The following PEMT variants were observed in gnomAD, a reference collection of about 807,000 sequenced individuals.
The protein encoded by PEMT is phospholipid methyltransferase.
Under a neutral mutation model 27.4 loss-of-function variants are expected in PEMT, and 23 were observed. The ratio of observed to expected loss-of-function variants is 0.84; its 90% CI spans 0.60 to 1.19. The LOEUF (loss-of-function observed/expected upper bound fraction) is 1.19. PEMT is among the 50% of genes most tolerant of loss of function. The pLI is 0.00. For synonymous variants in PEMT, 137 were observed against 139.1 expected (o/e 0.98, Z 0.11); for missense variants, 307 against 310.1 (o/e 0.99, Z 0.07).
chr17:17,582,904 A>C lies in PEMT; in HGVS notation c.97-5877T>G, dbSNP rs1912052022. On this transcript the variant is annotated intron_variant, in intron 1 of 6. Coordinates refer to ENST00000255389, the MANE Select transcript of PEMT (RefSeq NM_148172.3). This position sits in a 1 kb window ranked among gnomAD's most constrained non-coding sequence, Gnocchi z 4.9. ...TGGTGAAACCCCGTTTCTACTAAAA[A>C]TACAAAAATTAGCTGGACATGGTGG... 6.6e-6 allele frequency among the ~76,000 whole-genome samples: 1 copy of C among 152,162 alleles called. No individual in the cohort carries two copies. The highest frequency in any genetic ancestry group is 1.5e-5 in the Non-Finnish European group (1 of 68,036).
intron 2 of PEMT, among the ~76,000 whole-genome samples, chr17:17,576,282 C>A (rs566654123): frequency 7.2e-5 from 11 of 152,216 alleles, no homozygotes; most frequent in East Asian, 1.9e-4. Flanking sequence ...GGGCCCAGAG[C>A]CCACTTCCCA....
intron 2 of PEMT, among the ~76,000 whole-genome samples, chr17:17,547,347 G>A (rs1389867187): frequency 6.6e-6 from 1 of 152,246 alleles, no homozygotes. Flanking sequence ...GCAAGCAGGC[G>A]AGGCGTTCAG....
chr17:17,550,126 T>C (rs1909546132), intron 2 of PEMT, among the ~76,000 whole-genome samples: 1 of 152,202 alleles, frequency 6.6e-6, no homozygotes, highest in South Asian at 2.1e-4. Flanking sequence ...CAGTACAGCC[T>C]GGATTGAAAA....
intron 2 of PEMT, chr17:17,570,629 A>G: frequency 1.0e-6 from 1 of 985,440 alleles, no homozygotes; most frequent in East Asian, 1.1e-4. Flanking sequence ...CAGATCACCC[A>G]GAAAGGCCCA....
rs1298068738 is a variant in PEMT, at chr17:17,576,933, A to C, written c.191T>G (p.Leu64Arg). 6.2e-7 allele frequency: 1 copy of C among 1,613,320 alleles called. No homozygotes were observed. Residue 64 changes from leucine (L) to arginine (R), a missense_variant, in exon 2 of 7, where the codon CTC (leucine) becomes CGC (arginine). Physicochemically the swap from Leu to Arg is moderately radical, Grantham distance 102 (BLOSUM62 -2). Transcript: ENST00000255389. ...AAVITITFNP[L>R]YWNVVARWEH... ...CACATCACTTACCACATTCCAGTAG[A>C]GCGGATTGAAGGTGATGGTGATGAC...
In PEMT at chr17:17,509,543, C is replaced by T. The variant is rs765279907; in HGVS notation, c.469G>A (p.Asp157Asn). 5 of 1,607,784 alleles carry T rather than the reference C, an allele frequency of 3.1e-6. No homozygotes were observed. The South Asian group carries it at 5.5e-5, about 18-fold the overall frequency. ...ALGFAGTFLG[D>N]YFGILKEARV... ...GCCTCCTTGAGGATCCCGAAGTAAT[C>T]ACCTGTGGATGAGGCAAGGCAGGGT... The change falls in exon 5 of 7, where the codon GAT (aspartate) becomes AAT (asparagine). Residue 157 changes from aspartate (D) to asparagine (N), a missense_variant and splice_region_variant. By Grantham distance (23) the Asp-to-Asn change is conservative. Coordinates refer to ENST00000255389, the MANE Select transcript of PEMT (RefSeq NM_148172.3).
intron 2 of PEMT, among the ~76,000 whole-genome samples, chr17:17,571,480 G>A (rs1911188548): frequency 6.6e-6 from 1 of 152,130 alleles, no homozygotes; most frequent in Non-Finnish European, 1.5e-5. Flanking sequence ...CTGGCCAGGT[G>A]GAGGGAGGGG....
In PEMT at chr17:17,555,786, G is replaced by C. The variant is rs555202490; in HGVS notation, c.204+21134C>G. On this transcript the variant is annotated intron_variant, in intron 2 of 6. Transcript: ENST00000255389. ...ACACAGAAGCAAATGCTCGCCCTCT[G>C]GGGCGGAAGCCACCTGTTTTTCTGC... Among the ~76,000 whole-genome samples, 15 of 152,298 alleles carry C rather than the reference G, an allele frequency of 9.8e-5. No homozygotes were observed. In the East Asian group the frequency reaches 2.7e-3, roughly 28 times the overall value.
chr17:17,541,064 C>T (rs149910516), intron 2 of PEMT, among the ~76,000 whole-genome samples: 1 of 152,330 alleles, frequency 6.6e-6, no homozygotes, highest in Non-Finnish European at 1.5e-5. Context: ...GGGGACAGAG[C>T]CACCACTGGG....
chr17:17,582,869 C>G lies in PEMT; in HGVS notation c.97-5842G>C, dbSNP rs968657203. 3.3e-5 allele frequency among the ~76,000 whole-genome samples: 5 copies of G among 152,108 alleles called. No individual in the cohort carries two copies. The highest frequency in any genetic ancestry group is 1.2e-4 in the African/African-American group (5 of 41,408). ...ACAAGGCCAGGAGTCAGAGATCAGC[C>G]TGGCCAATATGGTGAAACCCCGTTT... On this transcript the variant is annotated intron_variant, in intron 1 of 6. Coordinates refer to ENST00000255389, the MANE Select transcript of PEMT (RefSeq NM_148172.3). This position sits in a 1 kb window ranked among gnomAD's most constrained non-coding sequence, Gnocchi z 4.9.
In PEMT at chr17:17,513,630, G is replaced by T. The variant is rs886970521; in HGVS notation, c.321-976C>A. On this transcript the variant is annotated intron_variant, in intron 3 of 6. Coordinates refer to ENST00000255389, the MANE Select transcript of PEMT (RefSeq NM_148172.3). The surrounding 1 kb of genome is among the most constrained non-coding windows in gnomAD (Gnocchi z 4.1). Reference sequence around the variant, plus strand: ...AAGGCAGTGGCGTGACCAAAAGGGGGTGACTATGACAGCAGTGGGTCTAGA... The same window carrying T: ...AAGGCAGTGGCGTGACCAAAAGGGGTTGACTATGACAGCAGTGGGTCTAGA... Among the ~76,000 whole-genome samples, 13 of 152,134 alleles carry T rather than the reference G, an allele frequency of 8.5e-5. No individual in the cohort carries two copies. In the East Asian group the frequency reaches 1.2e-3, roughly 13 times the overall value.
intron 2 of PEMT, among the ~76,000 whole-genome samples, chr17:17,559,963 C>G (rs1278410964): frequency 6.6e-6 from 1 of 152,240 alleles, no homozygotes; most frequent in African/African-American, 2.4e-5. Context: ...GACAAAGCCT[C>G]TGAGGCCTAC....
In PEMT at chr17:17,561,755, C is replaced by T. The variant is rs961809819; in HGVS notation, c.204+15165G>A. Among the ~76,000 whole-genome samples the T allele has an allele frequency of 4.6e-5, 7 of 152,202 alleles. No homozygotes were observed. The highest frequency in any genetic ancestry group is 1.3e-4 in the Admixed American group (2 of 15,282). ...AGATATGAGGGGGGCACAACCGCAC[C>T]GGGCTCCCGAGGATGGCAAGGGGGA... On this transcript the variant is annotated intron_variant, in intron 2 of 6. Transcript: ENST00000255389. This position sits in a 1 kb window ranked among gnomAD's most constrained non-coding sequence, Gnocchi z 4.5.
At chr17:17,592,072 C>T (rs575489329), upstream of PEMT, 82 of 985,454 alleles carry the variant, frequency 8.3e-5, no homozygotes, top group African/African-American at 8.9e-4. Context: ...TTGGACTTGG[C>T]CCGGGTCACA....
chr17:17,518,158 G>A lies in PEMT; in HGVS notation c.320+4122C>T, dbSNP rs1302896018. Reference sequence around the variant, plus strand: ...TGGAGCACAGTTCCATCCCGTGACTGGTGAACGACACCAGGAGCTCGCTGA... The same window carrying A: ...TGGAGCACAGTTCCATCCCGTGACTAGTGAACGACACCAGGAGCTCGCTGA... On this transcript the variant is annotated intron_variant, in intron 3 of 6. Transcript: ENST00000255389. 6 of 985,352 alleles carry A rather than the reference G, an allele frequency of 6.1e-6. No homozygotes were observed. In the African/African-American group the frequency reaches 1.0e-4, roughly 17 times the overall value. The allele number at this position is 985,352 out of a possible 1,614,324, so 61.0% of individuals were successfully genotyped here.
At position 17,532,048 on chromosome 17, in the gene PEMT, A is replaced by AT. The variant is rs1173950965; in HGVS notation, c.205-9654dup. ...TGATAATAAGAAAACAAAAAACTCA[A>AT]TTTTTTTCAATGGGCAGAAAAACCC... On this transcript the variant is annotated intron_variant, in intron 2 of 6. Transcript: ENST00000255389. Among the ~76,000 whole-genome samples the AT allele has an allele frequency of 4.6e-5, 7 of 152,230 alleles. No individual in the cohort carries two copies. In the East Asian group the frequency reaches 1.3e-3, roughly 29 times the overall value.
At chr17:17,541,162 A>G (rs933609105) in intron 2 of PEMT, among the ~76,000 whole-genome samples, 1 of 152,218 alleles carries the variant, frequency 6.6e-6, no homozygotes, top group Non-Finnish European at 1.5e-5. Flanking sequence ...GCCTGCTGCT[A>G]TATAGAGCAC....
At chr17:17,589,018 T>G (rs113802692) in intron 1 of PEMT, among the ~76,000 whole-genome samples, 1,907 of 152,384 alleles carry the variant, frequency 0.013, 51 homozygotes, top group African/African-American at 0.044. Flanking sequence ...TGGAGTGCAA[T>G]GGCGTGATAT....
chr17:17,561,552 C>T lies in PEMT; in HGVS notation c.204+15368G>A, dbSNP rs539021684. On this transcript the variant is annotated intron_variant, in intron 2 of 6. Transcript: ENST00000255389. The surrounding 1 kb of genome is among the most constrained non-coding windows in gnomAD (Gnocchi z 4.5). Reference sequence around the variant, plus strand: ...AGAGGGAACAGACGAGGGTCACTGACGCTGAGCTGGCTCCAGGCACCACCC... The same window carrying T: ...AGAGGGAACAGACGAGGGTCACTGATGCTGAGCTGGCTCCAGGCACCACCC... Among the ~76,000 whole-genome samples, 43 of 152,310 alleles carry T rather than the reference C, an allele frequency of 2.8e-4. No individual in the cohort carries two copies. Among genetic ancestry groups the T allele is most frequent in the Admixed American group, 5.2e-4 (8 of 15,306 alleles).
Sources: gnomAD v4.1 joint callset for allele counts (sites outside exome capture counted in the v4.1 genomes callset) on GRCh38, gnomAD v4.1.1 for gene constraint, Gnocchi (gnomAD v3.1) non-coding constraint, MANE v1.5 for transcripts, NCBI Gene and HGNC (gene_info 2026-07-23, HGNC 2026-07-21) for gene names.